Variants in PDE8B observed in about 807,000 individuals in gnomAD.
The protein encoded by PDE8B is phosphodiesterase 8B, also known as high affinity cAMP-specific and IBMX-insensitive 3',5'-cyclic phosphodiesterase 8B.
PDE8B carries 26 observed loss-of-function variants against 101.3 expected under a neutral mutation model. That is an observed-to-expected ratio of 0.26 (90% CI 0.19 to 0.36). The LOEUF (loss-of-function observed/expected upper bound fraction) is 0.36, where lower values mean the gene tolerates loss of function less well. Ranked by LOEUF, PDE8B falls within the 10% of genes least tolerant of loss-of-function variation. The probability of loss-of-function intolerance (pLI) is 1.00; values close to 1 mark genes in which losing one functional copy is unlikely to be tolerated. For synonymous variants in PDE8B, 424 were observed against 429.3 expected (o/e 0.99, Z 0.15); for missense variants, 810 against 1,163.1 (o/e 0.70, Z 4.42).
chr5:77,155,896 T>C, the PDE8B span, among the ~76,000 whole-genome samples: 5 of 152,230 alleles, frequency 3.3e-5, no homozygotes, highest in African/African-American at 1.2e-4. Context: ...GTAATTATTG[T>C]ATAGATATAT....
the PDE8B span, chr5:77,118,778 A>G: frequency 6.0e-6 from 1 of 167,598 alleles, no homozygotes; most frequent in African/African-American, 2.4e-5. Flanking sequence ...AAGCACACCT[A>G]TTAACCGATA....
At chr5:77,358,535 A>T (rs530579023) in intron 10 of PDE8B, 162 of 663,452 alleles carry the variant, frequency 2.4e-4, no homozygotes, top group Non-Finnish European at 3.0e-4. Context: ...GACATCAGGA[A>T]ATTATTTTGA....
chr5:77,378,285 C>A (rs1031633827), intron 10 of PDE8B, among the ~76,000 whole-genome samples: 1 of 151,716 alleles, frequency 6.6e-6, no homozygotes, highest in African/African-American at 2.4e-5. Context: ...ATGGTGAAAC[C>A]CTGTCTCTAC....
the PDE8B span, among the ~76,000 whole-genome samples, chr5:77,183,119 TATTATTATTA>T: frequency 5.4e-5 from 7 of 130,746 alleles, no homozygotes; most frequent in East Asian, 6.2e-4. Context: ...TTATTATTAT[TATTATTATTA>T]ATTATTTTGA....
the PDE8B span, among the ~76,000 whole-genome samples, chr5:77,155,159 C>G: frequency 6.6e-6 from 1 of 152,182 alleles, no homozygotes; most frequent in Non-Finnish European, 1.5e-5. Context: ...CTCTTTTTCT[C>G]TCTTCTCTCT....
chr5:77,386,865 C>CTTTTTTTTTTTTTT lies in PDE8B; in HGVS notation c.1168-13367_1168-13354dup, dbSNP rs59393259. 6.9e-4 allele frequency among the ~76,000 whole-genome samples: 35 copies of CTTTTTTTTTTTTTT among 51,080 alleles called. 9 individuals carry two copies. Among genetic ancestry groups the CTTTTTTTTTTTTTT allele is most frequent in the Admixed American group, 1.2e-3 (4 of 3,468 alleles). 33.5% of individuals were successfully genotyped at this position (51,080 alleles called of 152,430 possible). A position where few individuals can be genotyped will look rare whatever the true frequency, so the allele number is the denominator to read the frequency against. On this transcript the variant is annotated intron_variant, in intron 10 of 21. Transcript: ENST00000264917. The stretch of plus-strand genomic sequence containing the variant: ...TTTTGCCTGTTAGTTGATGTAGTTT[C>CTTTTTTTTTTTTTT]TTTTTTTTTTTTTTTTTTTTTTTTT...
At chr5:77,259,224 G>T (rs1019131363) in intron 1 of PDE8B, among the ~76,000 whole-genome samples, 3 of 151,928 alleles carry the variant, frequency 2.0e-5, no homozygotes, top group African/African-American at 4.8e-5. Context: ...CACTCCGGTG[G>T]CAGTCAGCCC....
At chr5:77,357,340 C>G (rs1279083479) in intron 10 of PDE8B, among the ~76,000 whole-genome samples, 2 of 152,160 alleles carry the variant, frequency 1.3e-5, no homozygotes. Context: ...ACCACACATG[C>G]TTAGAAACCC....
chr5:77,170,682 C>T, the PDE8B span, among the ~76,000 whole-genome samples: 8 of 152,032 alleles, frequency 5.3e-5, no homozygotes, highest in Admixed American at 6.6e-5. Context: ...TTGCATAAGC[C>T]GATATATATA....
intron 10 of PDE8B, among the ~76,000 whole-genome samples, chr5:77,383,058 T>C (rs1218626343): frequency 2.0e-5 from 3 of 152,180 alleles, no homozygotes; most frequent in Non-Finnish European, 2.9e-5. Context: ...CCACCAACAG[T>C]GTAAAAGTGT....
intron 6 of PDE8B, among the ~76,000 whole-genome samples, chr5:77,338,759 G>C (rs1778633156): frequency 6.6e-6 from 1 of 152,174 alleles, no homozygotes; most frequent in African/African-American, 2.4e-5. Flanking sequence ...AATAGAATTA[G>C]AAAGAGGGGG....
At chr5:77,296,117 G>A (rs887404417) in intron 1 of PDE8B, among the ~76,000 whole-genome samples, 1 of 151,816 alleles carries the variant, frequency 6.6e-6, no homozygotes, top group African/African-American at 2.4e-5. Context: ...GCTTAGTTAT[G>A]GTTACCTGTC....
In PDE8B at chr5:77,426,715, TAGAA is replaced by T; in HGVS notation, c.*164_*167del. ...CATTCAAGTCCCCAAATTTCATTCT[TAGAA>T]AGTTATGTTCCATGAAGAAAAATAT... On this transcript the variant is annotated 3_prime_UTR_variant, in exon 22 of 22. Transcript: ENST00000264917. 3.0e-6 allele frequency: 2 copies of T among 662,490 alleles called. No individual in the cohort carries two copies. The highest frequency in any genetic ancestry group is 3.4e-5 in the South Asian group (2 of 58,640). 41.0% of individuals were successfully genotyped at this position (662,490 alleles called of 1,614,324 possible). A position where few individuals can be genotyped will look rare whatever the true frequency, so the allele number is the denominator to read the frequency against.
chr5:77,260,852 C>T (rs2619784), intron 1 of PDE8B, among the ~76,000 whole-genome samples: 19,355 of 151,910 alleles, frequency 0.13, 1,603 homozygotes, highest in East Asian at 0.46. Flanking sequence ...TCTCAGCCAC[C>T]CAAAGTGCTA....
chr5:77,128,010 A>G, the PDE8B span, among the ~76,000 whole-genome samples: 909 of 152,170 alleles, frequency 6.0e-3, 11 homozygotes, highest in African/African-American at 0.021. Context: ...CCATTGCTCT[A>G]TTTCACCGTG....
At chr5:77,355,541 G>A (rs572551724) in intron 10 of PDE8B, among the ~76,000 whole-genome samples, 1 of 152,166 alleles carries the variant, frequency 6.6e-6, no homozygotes, top group South Asian at 2.1e-4. Flanking sequence ...TGGTAAGCCA[G>A]GCTGCTCTCT....
At chr5:77,273,970 GC>G (rs1403902854) in intron 1 of PDE8B, among the ~76,000 whole-genome samples, 11 of 151,912 alleles carry the variant, frequency 7.2e-5, no homozygotes, top group Non-Finnish European at 2.9e-5. Flanking sequence ...TTACAGACAT[GC>G]GCCACTATGC....
At chr5:77,142,985 A>T in the PDE8B span, among the ~76,000 whole-genome samples, 1 of 152,284 alleles carries the variant, frequency 6.6e-6, no homozygotes, top group South Asian at 2.1e-4. Context: ...AGATGTATTG[A>T]GGCATGGAGA....
the PDE8B span, among the ~76,000 whole-genome samples, chr5:77,159,119 C>T: frequency 6.6e-6 from 1 of 152,116 alleles, no homozygotes. Context: ...ACCATAGGGG[C>T]AAGGATATAT....
Sources: allele counts gnomAD v4.1 joint callset (sites outside exome capture counted in the v4.1 genomes callset), GRCh38; gene constraint gnomAD v4.1.1; transcripts MANE v1.5; gene names NCBI Gene and HGNC (gene_info 2026-07-23, HGNC 2026-07-21).